The following SLC8A1 variants were observed in gnomAD, a reference collection of about 807,000 sequenced individuals.
The protein encoded by SLC8A1 is sodium/calcium exchanger 1.
In SLC8A1, 18 loss-of-function variants were observed where a neutral mutation model predicts 68.3. The observed-to-expected ratio is 0.26, with a 90% CI of 0.18 to 0.39. SLC8A1 has a LOEUF of 0.39. Among genes scored for constraint, SLC8A1 ranks in the 10% least tolerant of loss-of-function variants. SLC8A1 has a pLI of 1.00. For missense variants in SLC8A1, 985 were observed against 1,156.7 expected, an observed-to-expected ratio of 0.85 and a Z score of 2.15; for synonymous variants, 475 against 415.5, an observed-to-expected ratio of 1.14 and a Z score of -1.74.
chr2:40,404,740 G>A (rs917534935), intron 2 of SLC8A1, among the ~76,000 whole-genome samples: 1 of 152,092 alleles, frequency 6.6e-6, no homozygotes, highest in Non-Finnish European at 1.5e-5. Context: ...TTGCTTCCTA[G>A]CTTGAAATGC....
At chr2:40,137,897 T>G (rs533280371) in intron 7 of SLC8A1, among the ~76,000 whole-genome samples, 13 of 152,216 alleles carry the variant, frequency 8.5e-5, no homozygotes, top group African/African-American at 2.4e-4. Context: ...AGGCAGGCAG[T>G]CAGTTGCATA....
intron 2 of SLC8A1, among the ~76,000 whole-genome samples, chr2:40,406,547 C>G (rs894495705): frequency 6.6e-6 from 1 of 152,168 alleles, no homozygotes; most frequent in African/African-American, 2.4e-5. Flanking sequence ...TGGGCCATCA[C>G]ACGATCTAAG....
chr2:40,121,696 G>T (rs1448173624), intron 7 of SLC8A1, among the ~76,000 whole-genome samples: 3 of 152,110 alleles, frequency 2.0e-5, no homozygotes, highest in Non-Finnish European at 4.4e-5. Context: ...CACTTAATGG[G>T]TGTTCAGTAT....
intron 2 of SLC8A1, among the ~76,000 whole-genome samples, chr2:40,415,745 AG>A (rs1425150701): frequency 5.9e-5 from 9 of 151,934 alleles, no homozygotes; most frequent in Non-Finnish European, 1.0e-4. Flanking sequence ...TGGGAGGCCG[AG>A]GTGGGTGGGT....
At chr2:40,273,274 G>A (rs1052455382) in intron 2 of SLC8A1, among the ~76,000 whole-genome samples, 1 of 147,908 alleles carries the variant, frequency 6.8e-6, no homozygotes, top group Non-Finnish European at 1.5e-5. Context: ...TGTATTTTTA[G>A]TAGAGACGGG....
chr2:40,163,501 A>G (rs1482822773), intron 5 of SLC8A1, among the ~76,000 whole-genome samples: 1 of 152,188 alleles, frequency 6.6e-6, no homozygotes, highest in Non-Finnish European at 1.5e-5. Flanking sequence ...TTGAACACAC[A>G]TGGAGAAAAG....
intron 2 of SLC8A1, among the ~76,000 whole-genome samples, chr2:40,389,852 T>C (rs1243364939): frequency 6.8e-6 from 1 of 146,268 alleles, no homozygotes; most frequent in Non-Finnish European, 1.5e-5. Flanking sequence ...ATCATATATA[T>C]CAAAGAAAAT....
At chr2:40,209,112 G>A (rs2056075522) in intron 2 of SLC8A1, 1 of 152,090 alleles carries the variant, frequency 6.6e-6, no homozygotes, top group South Asian at 2.1e-4. Context: ...AATAATTAAA[G>A]TATTTAGTAT....
intron 2 of SLC8A1, among the ~76,000 whole-genome samples, chr2:40,219,801 A>C (rs2058046477): frequency 1.1e-5 from 1 of 91,666 alleles, no homozygotes; most frequent in Non-Finnish European, 2.8e-5. Flanking sequence ...GATGAGAGAG[A>C]TGTGCTTTGT....
At chr2:40,222,012 A>T (rs1173469100) in intron 2 of SLC8A1, among the ~76,000 whole-genome samples, 6 of 152,182 alleles carry the variant, frequency 3.9e-5, no homozygotes, top group Admixed American at 3.9e-4. Flanking sequence ...AGAATTAGAA[A>T]AAGCTACTGT....
At chr2:40,224,196 G>C (rs1039139128) in intron 2 of SLC8A1, among the ~76,000 whole-genome samples, 7 of 152,110 alleles carry the variant, frequency 4.6e-5, no homozygotes, top group African/African-American at 1.7e-4. Flanking sequence ...TAATTGAATA[G>C]CAAACGTATA....
At chr2:40,417,677 G>A (rs1300002486) in intron 2 of SLC8A1, among the ~76,000 whole-genome samples, 3 of 152,114 alleles carry the variant, frequency 2.0e-5, no homozygotes, top group South Asian at 4.2e-4. Flanking sequence ...ATAAAATGAG[G>A]ATTTAAACCC....
rs1280814667 is a variant in SLC8A1, at chr2:40,146,086, A to G, written c.2162-6410T>C. On this transcript the variant is annotated intron_variant, in intron 6 of 7. Coordinates refer to ENST00000406785, the Ensembl canonical transcript of SLC8A1. Reference sequence around the variant, plus strand: ...GATGTCAACAACTTTTCTTCTAAGTATATTGGAAGACACTTCCTATCAACG... The same window carrying G: ...GATGTCAACAACTTTTCTTCTAAGTGTATTGGAAGACACTTCCTATCAACG... Among the ~76,000 whole-genome samples, 3 of 152,200 alleles carry G rather than the reference A, an allele frequency of 2.0e-5. No homozygotes were observed. The East Asian group carries it at 5.8e-4, about 29-fold the overall frequency.
At chr2:40,359,748 A>G (rs1673967549) in intron 2 of SLC8A1, among the ~76,000 whole-genome samples, 1 of 152,174 alleles carries the variant, frequency 6.6e-6, no homozygotes, top group African/African-American at 2.4e-5. Flanking sequence ...GAAATATACA[A>G]TTTAAGTCCT....
At chr2:40,428,340 T>C (rs895724489) in intron 2 of SLC8A1, 133 bp downstream of exon 2, 1 of 1,371,528 alleles carries the variant, frequency 7.3e-7, no homozygotes, top group Non-Finnish European at 9.4e-7. Context: ...TTGAAAGGGA[T>C]CTTGTATAAA....
chr2:40,299,767 G>C lies in SLC8A1; in HGVS notation c.1809-121912C>G, dbSNP rs147912057. The stretch of plus-strand genomic sequence containing the variant: ...TGCAGTTCGGTGAAAGAGAGTTTCA[G>C]CATAATAATCCCTGGGCCTTTTTCT... On this transcript the variant is annotated intron_variant, in intron 2 of 7. Transcript: ENST00000406785. Among the ~76,000 whole-genome samples, 1,492 of 152,258 alleles carry C rather than the reference G, an allele frequency of 9.8e-3. 32 individuals are homozygous for C. Among genetic ancestry groups the C allele is most frequent in the African/African-American group, 0.034 (1,411 of 41,536 alleles).
At chr2:40,109,219 T>C (rs1266406480) in exon 8 of SLC8A1, 1 of 152,046 alleles carries the variant, frequency 6.6e-6, no homozygotes, top group Non-Finnish European at 1.5e-5. Flanking sequence ...AGCAGAAAAA[T>C]AGTACCCACA....
chr2:40,460,581 A>AT (rs11360467), intron 1 of SLC8A1, among the ~76,000 whole-genome samples: 180 of 142,330 alleles, frequency 1.3e-3, no homozygotes, highest in South Asian at 8.1e-3. Context: ...GTATTTTTTA[A>AT]TTTTTTTTTT....
At chr2:40,455,451 G>A (rs1028387631), upstream of SLC8A1, among the ~76,000 whole-genome samples, 1 of 152,124 alleles carries the variant, frequency 6.6e-6, no homozygotes, top group African/African-American at 2.4e-5. Flanking sequence ...TACAGTCTTA[G>A]TCGTCCCTCA....
Sources: allele counts gnomAD v4.1 joint callset (sites outside exome capture counted in the v4.1 genomes callset), GRCh38; gene constraint gnomAD v4.1.1; transcripts MANE v1.5; gene names NCBI Gene and HGNC (gene_info 2026-07-23, HGNC 2026-07-21).